Variants in GPR55 observed in about 807,000 individuals in gnomAD.
GPR55 encodes G-protein coupled receptor 55.
GPR55 carries 6 observed loss-of-function variants against 7.9 expected under a neutral mutation model. The observed-to-expected ratio is 0.76, with a 90% CI of 0.41 to 1.49. GPR55 has a LOEUF of 1.49. Ranked by LOEUF, GPR55 falls within the 40% of genes most tolerant of loss-of-function variation. The pLI is 0.01. For synonymous variants in GPR55, 183 were observed against 166.8 expected, an observed-to-expected ratio of 1.10 and a Z score of -0.75; for missense variants, 376 against 406.0, an observed-to-expected ratio of 0.93 and a Z score of 0.63.
chr2:230,957,613 C>T, intron 1 of GPR55: 1 of 464,298 alleles, frequency 2.2e-6, no homozygotes, highest in South Asian at 1.6e-5. Flanking sequence ...CTCCGGAGCC[C>T]GGCGAGCCCG....
chr2:230,934,140 C>T (rs770369329), intron 1 of GPR55, among the ~76,000 whole-genome samples: 12 of 152,066 alleles, frequency 7.9e-5, no homozygotes, highest in Non-Finnish European at 1.2e-4. Context: ...GTATATGGGC[C>T]GCTTATTTGG....
intron 1 of GPR55, among the ~76,000 whole-genome samples, chr2:230,942,828 A>T (rs1691254805): frequency 6.6e-6 from 1 of 151,988 alleles, no homozygotes; most frequent in South Asian, 2.1e-4. Flanking sequence ...GAATGGGGTA[A>T]GGGGGAAGAG....
chr2:230,912,700 A>G (rs1690621840), intron 1 of GPR55, among the ~76,000 whole-genome samples: 1 of 152,244 alleles, frequency 6.6e-6, no homozygotes, highest in South Asian at 2.1e-4. Context: ...TCGGCCTCCC[A>G]AAGTGCTGGG....
At position 230,938,977 on chromosome 2, in the gene GPR55, G is replaced by A. The variant is rs1314236769; in HGVS notation, c.-135+21798C>T. Among the ~76,000 whole-genome samples the A allele has an allele frequency of 3.3e-5, 5 of 152,302 alleles. No homozygotes were observed. In the South Asian group the frequency reaches 1.0e-3, roughly 32 times the overall value. ...CAAGAAGAAAGTCAGCTGCAGCATG[G>A]CTCCCACCTCGCCGCCTGGGGCATG... On this transcript the variant is annotated intron_variant, in intron 1 of 1. Transcript: ENST00000392039.
chr2:230,942,997 G>A (rs556467100), intron 1 of GPR55, among the ~76,000 whole-genome samples: 1 of 151,786 alleles, frequency 6.6e-6, no homozygotes, highest in Admixed American at 6.6e-5. Flanking sequence ...TTGTCCTTGT[G>A]ACCTGAAGAG....
intron 1 of GPR55, among the ~76,000 whole-genome samples, chr2:230,913,781 C>T (rs908907388): frequency 6.6e-6 from 1 of 152,152 alleles, no homozygotes; most frequent in East Asian, 1.9e-4. Context: ...AAAAGCAGGT[C>T]AAAGCCCAGT....
At chr2:230,951,974 C>A (rs1045986946) in intron 1 of GPR55, among the ~76,000 whole-genome samples, 4 of 151,644 alleles carry the variant, frequency 2.6e-5, no homozygotes, top group African/African-American at 9.7e-5. Flanking sequence ...TGCTATGTTG[C>A]CCAGGCTGGT....
At chr2:230,926,715 A>T (rs1690949485), upstream of GPR55, among the ~76,000 whole-genome samples, 1 of 118,406 alleles carries the variant, frequency 8.4e-6, no homozygotes, top group Non-Finnish European at 1.6e-5. Context: ...TTTGATACAG[A>T]GTCTCGCTCT....
chr2:230,917,978 TA>T (rs1559171624), intron 1 of GPR55, among the ~76,000 whole-genome samples: 1 of 151,876 alleles, frequency 6.6e-6, no homozygotes, highest in Non-Finnish European at 1.5e-5. Flanking sequence ...TTCTCAGAGA[TA>T]AACACATTGC....
chr2:230,931,858 C>A (rs56175818), intron 1 of GPR55, among the ~76,000 whole-genome samples: 97 of 152,264 alleles, frequency 6.4e-4, no homozygotes, highest in Admixed American at 1.3e-3. Flanking sequence ...GCCCACTCCA[C>A]CCCAGCCCCT....
At position 230,910,056 on chromosome 2, in the gene GPR55, G is replaced by A. The variant is rs779203834; in HGVS notation, c.907C>T (p.Arg303Trp). The A allele has an allele frequency of 9.9e-6, 16 of 1,613,910 alleles. No homozygotes were observed. Among genetic ancestry groups the A allele is most frequent in the Admixed American group, 8.3e-5 (5 of 60,004 alleles). Residue 303 changes from arginine (R) to tryptophan (W), a missense_variant, in exon 2 of 2, where the codon CGG becomes TGG. Physicochemically the swap from Arg to Trp is moderately radical, Grantham distance 101. Transcript: ENST00000650999. The surrounding 1 kb of genome is among the most constrained non-coding windows in gnomAD (Gnocchi z 5.4). ...KEFRMNIRAHRPSRVQLVLQD... is the reference protein window; with the variant it reads ...KEFRMNIRAHWPSRVQLVLQD... ...AGGACCAGCTGGACCCTGGAAGGCC[G>A]GTGGGCCCTGATGTTCATGCGGAAT...
upstream of GPR55, among the ~76,000 whole-genome samples, chr2:230,929,228 G>A (rs528052305): frequency 2.1e-4 from 32 of 152,162 alleles, no homozygotes; most frequent in East Asian, 5.8e-4. Context: ...CACGAAGCCC[G>A]TTCCTGGAGC....
rs193265150 is a variant in GPR55 at position 230,950,691 on chromosome 2, C to G, written c.-135+10084G>C. Among the ~76,000 whole-genome samples the G allele has an allele frequency of 3.5e-4, 53 of 152,254 alleles. No homozygotes were observed. In the East Asian group the frequency reaches 0.01, roughly 29 times the overall value. On this transcript the variant is annotated intron_variant, in intron 1 of 1. Transcript: ENST00000392039. Reference sequence around the variant, plus strand: ...TTGTCCACAGTTTCTGGCTCGGAACCCCCATAGTCCCTGTTACAGTCTCGT... The same window carrying G: ...TTGTCCACAGTTTCTGGCTCGGAACGCCCATAGTCCCTGTTACAGTCTCGT...
rs1690497515 is a variant in GPR55, at chr2:230,908,167, C to T, written c.*1836G>A. On this transcript the variant is annotated 3_prime_UTR_variant, in exon 2 of 2. Transcript: ENST00000650999. ...ACCTCTGGGTCTGCAGAGCCTGACT[C>T]TGTGGCTGTGGTTCTTAGAGGCCCA... The T allele has an allele frequency of 6.5e-6, 1 of 152,820 alleles. No homozygotes were observed. Among genetic ancestry groups the T allele is most frequent in the African/African-American group, 2.4e-5 (1 of 41,452 alleles). The allele number at this position is 152,820 out of a possible 1,614,324, so 9.5% of individuals were successfully genotyped here. A position where few individuals can be genotyped will look rare whatever the true frequency, so the allele number is the denominator to read the frequency against.
chr2:230,925,583 AACAGGGGCACCAC>A (rs1690929190), upstream of GPR55, among the ~76,000 whole-genome samples: 1 of 152,136 alleles, frequency 6.6e-6, no homozygotes, highest in Non-Finnish European at 1.5e-5. Context: ...CAGACACCCT[AACAGGGGCACCAC>A]ACAGGGGCAG....
In GPR55 at chr2:230,910,240, T is replaced by C; in HGVS notation, c.723A>G (p.Pro241=). Residue 241 remains proline (P), a synonymous_variant, in exon 2 of 2, where the codon CCA becomes CCG. Coordinates refer to ENST00000650999, the MANE Select transcript of GPR55 (RefSeq NM_005683.4). The surrounding 1 kb of genome is among the most constrained non-coding windows in gnomAD (Gnocchi z 5.4). ...ACTGCAGGAAGAACCCCAGGTGGAC[T>C]GGGAGGAAGGAGACCACGAAGACAG... The part of the protein sequence containing the change: ...SLAVFVVSFL[P]VHLGFFLQFL... The C allele has an allele frequency of 2.5e-6, 4 of 1,614,096 alleles. No homozygotes were observed. Among genetic ancestry groups the C allele is most frequent in the Non-Finnish European group, 3.4e-6 (4 of 1,180,004 alleles).
chr2:230,939,173 C>T (rs570905594), intron 1 of GPR55, among the ~76,000 whole-genome samples: 1 of 152,328 alleles, frequency 6.6e-6, no homozygotes, highest in East Asian at 1.9e-4. Flanking sequence ...TCAGCTTTGC[C>T]CCCAGCAGGC....
upstream of GPR55, among the ~76,000 whole-genome samples, chr2:230,926,975 G>A (rs1407945606): frequency 6.6e-6 from 1 of 152,008 alleles, no homozygotes; most frequent in East Asian, 1.9e-4. Flanking sequence ...ACAGATGTGA[G>A]CCACCGCTCC....
intron 1 of GPR55, among the ~76,000 whole-genome samples, chr2:230,934,902 T>G (rs1407123720): frequency 6.6e-6 from 1 of 152,124 alleles, no homozygotes; most frequent in East Asian, 1.9e-4. Flanking sequence ...ATTGTCCTGT[T>G]GGGTTGGGCT....
Sources: allele counts gnomAD v4.1 joint callset (sites outside exome capture counted in the v4.1 genomes callset), GRCh38; gene constraint gnomAD v4.1.1; non-coding constraint Gnocchi (gnomAD v3.1); transcripts MANE v1.5; gene names NCBI Gene and HGNC (gene_info 2026-07-23, HGNC 2026-07-21).